Variants in KAZN observed in about 807,000 individuals in gnomAD.
KAZN encodes kazrin.
KAZN carries 40 observed loss-of-function variants against 87.4 expected under a neutral mutation model. The observed-to-expected ratio is 0.46, with a 90% CI of 0.36 to 0.60. The LOEUF (loss-of-function observed/expected upper bound fraction) is 0.60, where lower values mean the gene tolerates loss of function less well. Ranked by LOEUF, KAZN falls within the 20% of genes least tolerant of loss-of-function variation. KAZN has a pLI of 0.00. For missense variants in KAZN, 898 were observed against 1,073.9 expected (o/e 0.84, Z 2.29); for synonymous variants, 466 against 458.3 (o/e 1.02, Z -0.22).
chr1:14,134,331 C>A (rs1367052131), intron 1 of KAZN, among the ~76,000 whole-genome samples: 1 of 152,156 alleles, frequency 6.6e-6, no homozygotes, highest in Non-Finnish European at 1.5e-5. Context: ...TGAAAGGATC[C>A]TCCCTAGATG....
intron 1 of KAZN, among the ~76,000 whole-genome samples, chr1:14,787,927 G>C (rs1391683351): frequency 6.6e-6 from 1 of 152,226 alleles, no homozygotes; most frequent in Non-Finnish European, 1.5e-5. Context: ...CGAAAGATCA[G>C]TCAGACTTAG....
chr1:14,728,289 TAAA>T (rs55745144), intron 1 of KAZN, among the ~76,000 whole-genome samples: 18 of 29,822 alleles, frequency 6.0e-4, no homozygotes, highest in South Asian at 1.4e-3. Context: ...ACCGTATATA[TAAA>T]AAAAAAAAAA....
chr1:14,322,241 T>C (rs1656096514), intron 2 of KAZN, among the ~76,000 whole-genome samples: 1 of 152,006 alleles, frequency 6.6e-6, no homozygotes, highest in Non-Finnish European at 1.5e-5. Context: ...GCCTGGGCAA[T>C]ATGGCAAGAC....
At chr1:14,922,791 C>CAA (rs35903866) in intron 1 of KAZN, among the ~76,000 whole-genome samples, 4,805 of 75,092 alleles carry the variant, frequency 0.064, 406 homozygotes, top group African/African-American at 0.19. Context: ...GACTCTGTCT[C>CAA]AAAAAAAAAA....
chr1:14,581,149 G>C (rs1302352997), intron 2 of KAZN, among the ~76,000 whole-genome samples: 1 of 152,070 alleles, frequency 6.6e-6, no homozygotes, highest in Admixed American at 6.5e-5. Flanking sequence ...CTCCAAGCTT[G>C]TGTATCCAAC....
chr1:14,586,566 T>C (rs1440807082), intron 2 of KAZN, among the ~76,000 whole-genome samples: 4 of 151,062 alleles, frequency 2.6e-5, no homozygotes, highest in African/African-American at 7.3e-5. Context: ...TCTTATTCTG[T>C]TGCTCAGGTG....
intron 2 of KAZN, among the ~76,000 whole-genome samples, chr1:14,333,653 G>C (rs1657005234): frequency 6.6e-6 from 1 of 152,196 alleles, no homozygotes; most frequent in Admixed American, 6.5e-5. Flanking sequence ...GAAAATAAAA[G>C]ATTCGTGGTA....
At chr1:14,381,620 C>A (rs965650044) in intron 2 of KAZN, among the ~76,000 whole-genome samples, 5 of 152,048 alleles carry the variant, frequency 3.3e-5, no homozygotes, top group African/African-American at 7.2e-5. Flanking sequence ...CCGATAAATT[C>A]AACAGCCATT....
At chr1:14,162,920 G>A (rs1208067378) in intron 1 of KAZN, among the ~76,000 whole-genome samples, 1 of 151,750 alleles carries the variant, frequency 6.6e-6, no homozygotes, top group Non-Finnish European at 1.5e-5. Flanking sequence ...CCTAATTTTA[G>A]TCCTGTTTGC....
At chr1:14,947,959 A>G (rs1662027963) in intron 1 of KAZN, among the ~76,000 whole-genome samples, 1 of 152,258 alleles carries the variant, frequency 6.6e-6, no homozygotes, top group African/African-American at 2.4e-5. Context: ...CCAGTGTTTC[A>G]GTCCAGAAGG....
chr1:15,048,422 A>ATGTGTGTGTGTGTGTGTGTGTG lies in KAZN; in HGVS notation c.726+4280_726+4281insGTGTGTGTGTGTGTGTGTGTGT, dbSNP rs111596883. On this transcript the variant is annotated intron_variant, in intron 4 of 14. Transcript: ENST00000376030. ...GCCCCAAGGGACCGCATGTGTGTGT[A>ATGTGTGTGTGTGTGTGTGTGTG]TGTGTGTGTGTGTGTGTATGTGTAA... Among the ~76,000 whole-genome samples the ATGTGTGTGTGTGTGTGTGTGTG allele has an allele frequency of 1.0e-3, 154 of 150,936 alleles. No homozygotes were observed. The South Asian group carries it at 0.02, about 19-fold the overall frequency.
chr1:14,036,675 G>GTAGAA (rs1408897179), intron 1 of KAZN, among the ~76,000 whole-genome samples: 1 of 152,090 alleles, frequency 6.6e-6, no homozygotes, highest in Non-Finnish European at 1.5e-5. Context: ...AGAATGGAAA[G>GTAGAA]TAGAATAGAA....
Position 14,795,918 on chromosome 1 carries a change from G to A in KAZN, c.227-164766G>A, listed in dbSNP as rs79972899. 8.2e-3 allele frequency among the ~76,000 whole-genome samples: 1,251 copies of A among 152,212 alleles called. 21 individuals are homozygous for A. The highest frequency in any genetic ancestry group is 0.029 in the African/African-American group (1,196 of 41,522). On this transcript the variant is annotated intron_variant, in intron 1 of 14. Transcript: ENST00000376030. ...TTGTCTAACACAGGAAACCCTCACCGGCACCCATTCTTCCTCCCCGGGGCC... is the reference window on the plus strand; with the variant it reads ...TTGTCTAACACAGGAAACCCTCACCAGCACCCATTCTTCCTCCCCGGGGCC...
intron 2 of KAZN, among the ~76,000 whole-genome samples, chr1:14,414,287 G>A (rs910034520): frequency 6.8e-6 from 1 of 147,376 alleles, no homozygotes; most frequent in East Asian, 2.0e-4. Context: ...ACTCCCACGA[G>A]TTCCCAAAGT....
chr1:15,046,647 C>T (rs1414063331), intron 4 of KAZN, among the ~76,000 whole-genome samples: 2 of 152,172 alleles, frequency 1.3e-5, no homozygotes, highest in Non-Finnish European at 2.9e-5. Context: ...TACTAAGGGC[C>T]AGGCCCCAGG....
intron 3 of KAZN, among the ~76,000 whole-genome samples, chr1:15,042,830 G>A (rs1040225128): frequency 2.0e-5 from 3 of 152,202 alleles, no homozygotes; most frequent in South Asian, 2.1e-4. Context: ...CTCTCTCCAC[G>A]GTCCCAGGCC....
At chr1:14,604,338 G>A (rs1028781782) in intron 1 of KAZN, among the ~76,000 whole-genome samples, 7 of 152,150 alleles carry the variant, frequency 4.6e-5, no homozygotes, top group Admixed American at 2.0e-4. Flanking sequence ...CATACCTGAC[G>A]ATTCATAGCA....
chr1:13,991,853 C>T (rs1639298301), intron 1 of KAZN, among the ~76,000 whole-genome samples: 1 of 152,086 alleles, frequency 6.6e-6, no homozygotes, highest in African/African-American at 2.4e-5. Context: ...CACTCTAAGC[C>T]CCAGCCACCT....
chr1:15,093,507 G>A (rs1332468655), intron 8 of KAZN, among the ~76,000 whole-genome samples: 2 of 152,070 alleles, frequency 1.3e-5, no homozygotes, highest in Non-Finnish European at 2.9e-5. Flanking sequence ...TAAGAGGGGG[G>A]CGGGGGAAAA....
Sources: allele counts gnomAD v4.1 joint callset (sites outside exome capture counted in the v4.1 genomes callset), GRCh38; gene constraint gnomAD v4.1.1; transcripts MANE v1.5; gene names NCBI Gene and HGNC (gene_info 2026-07-23, HGNC 2026-07-21).